SYNE2: variants seen among roughly 807,000 people sequenced by gnomAD.
SYNE2 encodes spectrin repeat containing nuclear envelope protein 2, also known as nesprin-2.
In SYNE2, 431 loss-of-function variants were observed where a neutral mutation model predicts 856.3. That is an observed-to-expected ratio of 0.50 (90% CI 0.47 to 0.55). The LOEUF (loss-of-function observed/expected upper bound fraction) is 0.55. SYNE2 is among the 20% of genes least tolerant of loss of function. The pLI is 0.00. For missense variants in SYNE2, 8,129 were observed against 8,023.2 expected (o/e 1.01, Z -0.50); for synonymous variants, 2,923 against 2,872.3 (o/e 1.02, Z -0.56).
chr14:63,935,204 C>G (rs2095815388), intron 2 of SYNE2, among the ~76,000 whole-genome samples: 1 of 152,126 alleles, frequency 6.6e-6, no homozygotes, highest in East Asian at 1.9e-4. Flanking sequence ...AGGAATAACT[C>G]TCAAAAGCCT....
chr14:63,994,566 G>A (rs1594743386), intron 22 of SYNE2, among the ~76,000 whole-genome samples: 2 of 152,108 alleles, frequency 1.3e-5, no homozygotes. Flanking sequence ...GTATAGTATC[G>A]TTGATACGAT....
At chr14:63,975,758 G>A (rs1266749284) in intron 11 of SYNE2, among the ~76,000 whole-genome samples, 1 of 152,188 alleles carries the variant, frequency 6.6e-6, no homozygotes, top group Non-Finnish European at 1.5e-5. Flanking sequence ...CCTAACTGCT[G>A]CATAGCATTA....
chr14:63,935,669 G>A (rs1031567258), intron 2 of SYNE2, among the ~76,000 whole-genome samples: 9 of 152,134 alleles, frequency 5.9e-5, no homozygotes, highest in Admixed American at 2.6e-4. Flanking sequence ...ACTCATAAAG[G>A]TAGATTTGCT....
In SYNE2 at chr14:64,125,162, C is replaced by G; in HGVS notation, c.13506C>G (p.Thr4502=). 1 of 1,614,144 alleles carries G rather than the reference C, an allele frequency of 6.2e-7. No individual in the cohort carries two copies. The highest frequency in any genetic ancestry group is 2.2e-5 in the East Asian group (1 of 44,878). The change falls in exon 71 of 116, where the codon ACC becomes ACG. Residue 4502 remains threonine (T), a synonymous_variant. Transcript: ENST00000555002. ...CAACTGAAGAACTGAAAACCTATAC[C>G]ACCCAACTTGAAGACCTGCGCCAAG... The part of the protein sequence containing the change: ...YPTTEELKTY[T]TQLEDLRQEA...
Position 64,126,444 on chromosome 14 carries a change from A to G in SYNE2, c.13672A>G (p.Arg4558Gly). The change falls in exon 72 of 116, where the codon AGG (arginine) becomes GGG (glycine). Residue 4558 changes from arginine to glycine, a missense_variant. Arg to Gly is a moderately radical substitution (Grantham distance 125). Around this residue, in one of 3 missense-constraint regions of SYNE2, gnomAD observed 5,410 missense variants for 5,284.8 expected, o/e 1.02. Transcript: ENST00000555002. The part of the protein sequence containing the change: ...EEMLEMPRLY[R>G]EDGSGQQVHY... ...GATGCTGGAGATGCCCAGACTTTAC[A>G]GGGAGGATGGTTCTGGCCAGCAGGT... The G allele has an allele frequency of 1.2e-6, 2 of 1,614,094 alleles. No homozygotes were observed. The highest frequency in any genetic ancestry group is 2.2e-5 in the South Asian group (2 of 91,084).
chr14:63,956,099 TC>T (rs1235544128), intron 8 of SYNE2, among the ~76,000 whole-genome samples: 1 of 152,234 alleles, frequency 6.6e-6, no homozygotes, highest in South Asian at 2.1e-4. Flanking sequence ...AACAATTTCT[TC>T]ATCTCTTTTT....
chr14:63,994,028 G>A, intron 22 of SYNE2, 59 bp downstream of exon 22: 2 of 1,566,730 alleles, frequency 1.3e-6, no homozygotes, highest in Non-Finnish European at 1.8e-6. Context: ...CTGGGCTGTT[G>A]GTTGTCAGAG....
At chr14:63,768,164 T>A (rs537650490) in intron 1 of SYNE2, among the ~76,000 whole-genome samples, 1 of 151,728 alleles carries the variant, frequency 6.6e-6, no homozygotes, top group African/African-American at 2.4e-5. Flanking sequence ...CAATCCAGCC[T>A]GGGTGATGAA....
At chr14:64,030,440 T>C (rs2097024424) in intron 44 of SYNE2, among the ~76,000 whole-genome samples, 1 of 152,216 alleles carries the variant, frequency 6.6e-6, no homozygotes, top group African/African-American at 2.4e-5. Context: ...AAACTGTACA[T>C]CGTTCACCTA....
At chr14:64,032,507 A>T (rs2097047716) in intron 45 of SYNE2, among the ~76,000 whole-genome samples, 2 of 152,106 alleles carry the variant, frequency 1.3e-5, no homozygotes, top group Non-Finnish European at 2.9e-5. Context: ...GGTTACAGTG[A>T]GCTGTGATTG....
chr14:64,188,972 G>A, intron 98 of SYNE2: 1 of 702,590 alleles, frequency 1.4e-6, no homozygotes. Context: ...CACCAGGGAA[G>A]GGGCTTACAT....
intron 1 of SYNE2, among the ~76,000 whole-genome samples, chr14:63,797,199 C>G (rs1023063928): frequency 6.6e-6 from 1 of 151,652 alleles, no homozygotes; most frequent in Non-Finnish European, 1.5e-5. Context: ...GAGTTTGAGA[C>G]CAGCCTGGTC....
chr14:64,079,062 A>G (rs2097496411), intron 55 of SYNE2, among the ~76,000 whole-genome samples: 1 of 152,130 alleles, frequency 6.6e-6, no homozygotes, highest in African/African-American at 2.4e-5. Flanking sequence ...ACAGAGTGAG[A>G]CTCTGTCTCA....
chr14:63,794,622 A>G (rs1566570574), intron 1 of SYNE2, among the ~76,000 whole-genome samples: 1 of 152,236 alleles, frequency 6.6e-6, no homozygotes, highest in Non-Finnish European at 1.5e-5. Flanking sequence ...ACTAAAGAAA[A>G]TATATAAATG....
intron 100 of SYNE2, among the ~76,000 whole-genome samples, chr14:64,207,002 A>G (rs998321058): frequency 6.6e-6 from 1 of 152,188 alleles, no homozygotes; most frequent in Admixed American, 6.5e-5. Context: ...TTAGTCCTCA[A>G]ATTGACTCCA....
intron 51 of SYNE2, among the ~76,000 whole-genome samples, chr14:64,067,468 A>G (rs570956001): frequency 4.7e-4 from 71 of 152,326 alleles, no homozygotes; most frequent in Non-Finnish European, 8.4e-4. Context: ...AAATTGATAT[A>G]AGATTTTAGT....
intron 39 of SYNE2, 92 bp from the exon 40 acceptor site, chr14:64,024,820 C>T: frequency 7.5e-7 from 1 of 1,334,224 alleles, no homozygotes; most frequent in Non-Finnish European, 1.1e-6. Context: ...ATTATAAAAA[C>T]CTGGTTGAGT....
intron 64 of SYNE2, among the ~76,000 whole-genome samples, chr14:64,104,446 CTTTTTTTTTT>C (rs34102150): frequency 8.4e-6 from 1 of 118,804 alleles, no homozygotes; most frequent in Non-Finnish European, 1.7e-5. Context: ...CCTGTTTTCT[CTTTTTTTTTT>C]TTTTTTTTTT....
intron 99 of SYNE2, chr14:64,190,517 G>GA (rs931238637): frequency 6.0e-6 from 4 of 667,460 alleles, no homozygotes; most frequent in Non-Finnish European, 1.1e-5. Flanking sequence ...GGATCCTTGG[G>GA]AGGGGGTATT....
Sources: allele counts gnomAD v4.1 joint callset (sites outside exome capture counted in the v4.1 genomes callset), GRCh38; gene constraint gnomAD v4.1.1; regional missense constraint gnomAD v4.1.1; transcripts MANE v1.5; gene names NCBI Gene and HGNC (gene_info 2026-07-23, HGNC 2026-07-21).